REV3L: variants seen among roughly 807,000 people sequenced by gnomAD.
The protein encoded by REV3L is REV3 like, DNA directed polymerase zeta catalytic subunit.
In REV3L, 69 loss-of-function variants were observed where a neutral mutation model predicts 299.4. The observed-to-expected ratio is 0.23, with a 90% CI of 0.19 to 0.28. The LOEUF is 0.28. Among genes scored for constraint, REV3L ranks in the 10% least tolerant of loss-of-function variants. The pLI is 1.00. For synonymous variants in REV3L, 1,238 were observed against 1,271.4 expected (o/e 0.97, Z 0.56); for missense variants, 3,128 against 3,693.8 (o/e 0.85, Z 3.97).
chr6:111,468,671 G>A (rs977027479), intron 1 of REV3L, among the ~76,000 whole-genome samples: 13 of 152,196 alleles, frequency 8.5e-5, no homozygotes, highest in African/African-American at 3.1e-4. Context: ...GCTGGTGGGA[G>A]TACAGATCAA....
chr6:111,379,929 A>G, intron 11 of REV3L, 53 bp downstream of exon 11: 1 of 1,024,204 alleles, frequency 9.8e-7, no homozygotes, highest in Non-Finnish European at 1.5e-6. Context: ...TTTCTGATTG[A>G]AGGACAATAA....
At position 111,358,894 on chromosome 6, in the gene REV3L, G is replaced by C. The variant is rs1375892109; in HGVS notation, c.7000C>G (p.Leu2334Val). 1 of 1,614,044 alleles carries C rather than the reference G, an allele frequency of 6.2e-7. No homozygotes were observed. Among genetic ancestry groups the C allele is most frequent in the Non-Finnish European group, 8.5e-7 (1 of 1,179,950 alleles). ...AGTTCTGTTTTTTCTGTATCTGGCAGTGGAGTGTCAGATGAGATGCAGTAG... is the reference window on the plus strand; with the variant it reads ...AGTTCTGTTTTTTCTGTATCTGGCACTGGAGTGTCAGATGAGATGCAGTAG... The part of the protein sequence containing the change: ...LFYCISSDTP[L>V]PDTEKTELTG... The change falls in exon 17 of 32, where the codon CTG (leucine) becomes GTG (valine). Residue 2334 changes from leucine to valine, a missense_variant. Leu to Val is a conservative substitution (Grantham distance 32). Coordinates refer to ENST00000368802, the MANE Select transcript of REV3L (RefSeq NM_001372078.1).
At chr6:111,439,750 G>A (rs1164493370) in intron 1 of REV3L, among the ~76,000 whole-genome samples, 2 of 152,110 alleles carry the variant, frequency 1.3e-5, no homozygotes, top group Non-Finnish European at 2.9e-5. Context: ...TCTGCTGCCC[G>A]TTTGACCCAC....
chr6:111,319,681 A>T (rs1055963114), intron 26 of REV3L, among the ~76,000 whole-genome samples: 1 of 151,114 alleles, frequency 6.6e-6, no homozygotes, highest in African/African-American at 2.5e-5. Flanking sequence ...TTGGAAGGTC[A>T]TTTACCTTCG....
chr6:111,479,027 C>T (rs1208641943), intron 1 of REV3L, among the ~76,000 whole-genome samples: 2 of 152,182 alleles, frequency 1.3e-5, no homozygotes, highest in Non-Finnish European at 2.9e-5. Flanking sequence ...TGAGAGCTGT[C>T]TAAACTCAGC....
Position 111,412,766 on chromosome 6 carries a change from T to TAAAA in REV3L, c.330-1216_330-1213dup, listed in dbSNP as rs61259712. On this transcript the variant is annotated intron_variant, in intron 2 of 31. Coordinates refer to ENST00000368802, the MANE Select transcript of REV3L (RefSeq NM_001372078.1). The stretch of plus-strand genomic sequence containing the variant: ...ATTATTGTTATAAAGTAATTTCTGT[T>TAAAA]AAAAAAAAAAAAAAACAACTATTTA... Among the ~76,000 whole-genome samples, 232 of 144,392 alleles carry TAAAA rather than the reference T, an allele frequency of 1.6e-3. 1 individual carries two copies. Among genetic ancestry groups the TAAAA allele is most frequent in the African/African-American group, 5.8e-3 (226 of 38,974 alleles). 94.7% of individuals were successfully genotyped at this position (144,392 alleles called of 152,430 possible). A position where few individuals can be genotyped will look rare whatever the true frequency, so the allele number is the denominator to read the frequency against.
chr6:111,417,860 CAACT>C (rs202146186), intron 1 of REV3L, among the ~76,000 whole-genome samples: 1 of 152,152 alleles, frequency 6.6e-6, no homozygotes, highest in East Asian at 1.9e-4. Flanking sequence ...TTTGAACTAC[CAACT>C]GTCGTGCTTT....
intron 1 of REV3L, among the ~76,000 whole-genome samples, chr6:111,481,666 T>C (rs764264730): frequency 3.9e-5 from 6 of 152,146 alleles, no homozygotes; most frequent in African/African-American, 4.8e-5. Context: ...TAAAATCCCA[T>C]AGGGCAATTC....
At chr6:111,369,474 A>G (rs746552380) in intron 13 of REV3L, among the ~76,000 whole-genome samples, 1 of 152,110 alleles carries the variant, frequency 6.6e-6, no homozygotes. Context: ...AAATGCTTTA[A>G]GAAGAAAATG....
At chr6:111,405,084 A>G (rs1054256659) in intron 4 of REV3L, among the ~76,000 whole-genome samples, 2 of 152,166 alleles carry the variant, frequency 1.3e-5, no homozygotes, top group Non-Finnish European at 2.9e-5. Flanking sequence ...CTAAAATATA[A>G]AAAGTAACAT....
rs1785577971 is a variant in REV3L, at chr6:111,422,617, TATATATATATATACAC to T, written c.140-6161_140-6146del. On this transcript the variant is annotated intron_variant, in intron 1 of 31. Transcript: ENST00000368802. ...ATACACATATATATATATATACACA[TATATATATATATACAC>T]ATATATATATATATACATATATATA... Among the ~76,000 whole-genome samples the T allele has an allele frequency of 3.5e-4, 7 of 20,214 alleles. 1 individual carries two copies. The highest frequency in any genetic ancestry group is 1.1e-3 in the Non-Finnish European group (6 of 5,246). The allele number at this position is 20,214 out of a possible 152,430, so 13.3% of individuals were successfully genotyped here. A position where few individuals can be genotyped will look rare whatever the true frequency, so the allele number is the denominator to read the frequency against.
rs1311124621 is a variant in REV3L, at chr6:111,375,104, A to C, written c.3251T>G (p.Ile1084Ser). Residue 1084 changes from isoleucine (I) to serine (S), a missense_variant, in exon 13 of 32, where the codon ATT becomes AGT. Ile to Ser is a moderately radical substitution (Grantham distance 142). Coordinates refer to ENST00000368802, the MANE Select transcript of REV3L (RefSeq NM_001372078.1). ...GTAAGATGGTGAGGGAGGAGAAAGA[A>C]TAGCATGTGACCGTTTTTTCCTGAA... ...LSFRKKRSHA[I>S]LSPPSPSYNA... The C allele has an allele frequency of 1.9e-6, 3 of 1,613,076 alleles. No homozygotes were observed. In the South Asian group the frequency reaches 3.3e-5, roughly 18 times the overall value.
intron 18 of REV3L, among the ~76,000 whole-genome samples, chr6:111,354,825 C>T (rs458806): frequency 0.67 from 102,547 of 151,962 alleles, 36,809 homozygotes; most frequent in Non-Finnish European, 0.82. Context: ...GTAAATGGTT[C>T]CATTTGCTTA....
intron 1 of REV3L, among the ~76,000 whole-genome samples, chr6:111,437,588 AC>A (rs1197354154): frequency 6.6e-6 from 1 of 151,950 alleles, no homozygotes; most frequent in East Asian, 1.9e-4. Context: ...GGAGCCAGAC[AC>A]AAAAAATCAC....
intron 27 of REV3L, among the ~76,000 whole-genome samples, chr6:111,313,791 G>T (rs1006177834): frequency 6.6e-6 from 1 of 152,060 alleles, no homozygotes; most frequent in Non-Finnish European, 1.5e-5. Context: ...TTATTTTTCC[G>T]GATCTATCTC....
upstream of REV3L, chr6:111,483,254 T>G: frequency 6.7e-6 from 2 of 298,144 alleles, no homozygotes. Context: ...GAGGGGGGTG[T>G]GTGTGGCGAA....
At chr6:111,334,138 C>T (rs1390159604) in intron 22 of REV3L, among the ~76,000 whole-genome samples, 2 of 152,086 alleles carry the variant, frequency 1.3e-5, no homozygotes, top group Non-Finnish European at 2.9e-5. Context: ...GGGGTTTCAT[C>T]ATGTTGGCCA....
In REV3L at chr6:111,299,075, T is replaced by TTAAC. The variant is rs1312996549; in HGVS notation, c.*937_*940dup. 5 of 152,536 alleles carry TTAAC rather than the reference T, an allele frequency of 3.3e-5. No homozygotes were observed. The highest frequency in any genetic ancestry group is 1.2e-4 in the African/African-American group (5 of 41,454). The allele number at this position is 152,536 out of a possible 1,614,324, so 9.4% of individuals were successfully genotyped here. On this transcript the variant is annotated 3_prime_UTR_variant, in exon 32 of 32. Coordinates refer to ENST00000368802, the MANE Select transcript of REV3L (RefSeq NM_001372078.1). Reference sequence around the variant, plus strand: ...TTCAATTTTAATATGGTTTCCATTATTAACTTTTAAAACAAAATGATTTCC... The same window carrying TTAAC: ...TTCAATTTTAATATGGTTTCCATTATTAACTAACTTTTAAAACAAAATGATTTCC...
intron 16 of REV3L, among the ~76,000 whole-genome samples, chr6:111,361,881 G>A (rs1370418622): frequency 6.6e-6 from 1 of 152,164 alleles, no homozygotes; most frequent in Non-Finnish European, 1.5e-5. Flanking sequence ...CTTGAGATGA[G>A]GAAAGCCGGT....
Sources: allele counts gnomAD v4.1 joint callset (sites outside exome capture counted in the v4.1 genomes callset), GRCh38; gene constraint gnomAD v4.1.1; transcripts MANE v1.5; gene names NCBI Gene and HGNC (gene_info 2026-07-23, HGNC 2026-07-21).